Variants in BUD13 observed in about 807,000 individuals in gnomAD.
BUD13 encodes the protein BUD13 homolog.
A neutral mutation model predicts 62.5 loss-of-function variants in BUD13; 47 were observed. The ratio of observed to expected loss-of-function variants is 0.75; its 90% CI spans 0.60 to 0.96. The LOEUF is 0.96. Ranked by LOEUF, BUD13 falls within the 40% of genes least tolerant of loss-of-function variation. BUD13 has a pLI of 0.00. For synonymous variants in BUD13, 293 were observed against 280.1 expected (o/e 1.05, Z -0.46); for missense variants, 821 against 790.9 (o/e 1.04, Z -0.46).
chr11:116,754,391 A>C (rs763961416), intron 9 of BUD13, among the ~76,000 whole-genome samples: 2 of 152,240 alleles, frequency 1.3e-5, no homozygotes, highest in Non-Finnish European at 2.9e-5. Flanking sequence ...TTATCTGACC[A>C]AAATGGAATT....
chr11:116,759,808 G>A (rs1184488111), intron 5 of BUD13, among the ~76,000 whole-genome samples: 1 of 152,090 alleles, frequency 6.6e-6, no homozygotes, highest in Non-Finnish European at 1.5e-5. Flanking sequence ...CCCTAAAAAA[G>A]AAGAATCTCA....
At position 116,763,099 on chromosome 11, in the gene BUD13, G is replaced by A. The variant is rs760208744; in HGVS notation, c.490C>T (p.Pro164Ser). 1.3e-6 allele frequency: 2 copies of A among 1,581,834 alleles called. No homozygotes were observed. Among genetic ancestry groups the A allele is most frequent in the East Asian group, 2.3e-5 (1 of 43,936 alleles). Residue 164 changes from proline to serine, a missense_variant, in exon 4 of 10, where the codon CCC becomes TCC. By Grantham distance (74) the Pro-to-Ser change is moderately conservative. Transcript: ENST00000260210. Reference sequence around the variant, plus strand: ...GAGTCATGACGAGCCCCTCTGAGGGGAGAAGGATCCGGGGTGTCATGACGG... The same window carrying A: ...GAGTCATGACGAGCCCCTCTGAGGGAAGAAGGATCCGGGGTGTCATGACGG... ...RARHDTPDPSPLRGARHDSDT... is the reference protein window; with the variant it reads ...RARHDTPDPSSLRGARHDSDT...
In BUD13 at chr11:116,770,135, C is replaced by T. The variant is rs77940920; in HGVS notation, c.231G>A (p.Leu77=). 1,746 of 1,612,150 alleles carry T rather than the reference C, an allele frequency of 1.1e-3. 17 individuals carry two copies. In the African/African-American group the frequency reaches 0.021, roughly 19 times the overall value. The stretch of plus-strand genomic sequence containing the variant: ...CAGCCCCAAAGATACATACCACAGG[C>T]AAATCTCCATCATCTTCCTCTTCCT... ...EKEEEEDDGD[L]PVVAEFVDER... Residue 77 remains leucine (L), a synonymous_variant, in exon 2 of 10, where the codon TTG becomes TTA. Coordinates refer to ENST00000260210, the MANE Select transcript of BUD13 (RefSeq NM_032725.4).
chr11:116,761,242 G>A (rs1428002926), intron 4 of BUD13, among the ~76,000 whole-genome samples: 5 of 151,838 alleles, frequency 3.3e-5, no homozygotes, highest in Admixed American at 6.6e-5. Context: ...AGTAGAGATG[G>A]GGTTTCGCTA....
At chr11:116,765,169 G>A (rs1940509493) in intron 3 of BUD13, among the ~76,000 whole-genome samples, 193 bp downstream of exon 3, 2 of 152,150 alleles carry the variant, frequency 1.3e-5, no homozygotes, top group African/African-American at 4.8e-5. Context: ...ATAAGAGAAA[G>A]AGGAATATCT....
chr11:116,772,985 G>C lies in BUD13; in HGVS notation c.-21C>G. On this transcript the variant is annotated 5_prime_UTR_variant, in exon 1 of 10. Transcript: ENST00000260210. ...GCCATGGCAGCGGCGGGGGCAGAGA[G>C]ACGGGTCGGCGCTGGGGACAAAATG... The C allele has an allele frequency of 6.6e-7, 1 of 1,520,290 alleles. No homozygotes were observed. Among genetic ancestry groups the C allele is most frequent in the Non-Finnish European group, 8.9e-7 (1 of 1,127,862 alleles). The allele number at this position is 1,520,290 out of a possible 1,614,324, so 94.2% of individuals were successfully genotyped here. A position where few individuals can be genotyped will look rare whatever the true frequency, so the allele number is the denominator to read the frequency against.
At chr11:116,760,055 C>G (rs775161948) in intron 5 of BUD13, among the ~76,000 whole-genome samples, 5 of 152,138 alleles carry the variant, frequency 3.3e-5, no homozygotes, top group African/African-American at 9.7e-5. Context: ...ATTCATCAAG[C>G]CTTATCATGA....
rs1940338004 is a variant in BUD13 at position 116,757,026 on chromosome 11, CA to C, written c.1766+119del. 4.5e-6 allele frequency: 4 copies of C among 889,034 alleles called. No homozygotes were observed. The South Asian group carries it at 4.9e-5, about 11-fold the overall frequency. 55.1% of individuals were successfully genotyped at this position (889,034 alleles called of 1,614,324 possible). On this transcript the variant is annotated intron_variant, in intron 9 of 9. Coordinates refer to ENST00000260210, the MANE Select transcript of BUD13 (RefSeq NM_032725.4). ...TGTGGACCTCAGAAAAAGAAGCAAG[CA>C]AAGTGCATATTTTTCACCTTGTGAT...
chr11:116,748,642 G>A (rs1308444309), intron 9 of BUD13, 67 bp from the exon 10 acceptor site: 1 of 1,452,944 alleles, frequency 6.9e-7, no homozygotes, highest in African/African-American at 1.4e-5. Context: ...AAAAGAAAGG[G>A]AAGAGTTCAC....
Position 116,772,984 on chromosome 11 carries a change from A to C in BUD13, c.-20T>G. 2.0e-6 allele frequency: 3 copies of C among 1,521,004 alleles called. No homozygotes were observed. The highest frequency in any genetic ancestry group is 1.8e-6 in the Non-Finnish European group (2 of 1,128,244). 94.2% of individuals were successfully genotyped at this position (1,521,004 alleles called of 1,614,324 possible). Reference sequence around the variant, plus strand: ...CGCCATGGCAGCGGCGGGGGCAGAGAGACGGGTCGGCGCTGGGGACAAAAT... The same window carrying C: ...CGCCATGGCAGCGGCGGGGGCAGAGCGACGGGTCGGCGCTGGGGACAAAAT... On this transcript the variant is annotated 5_prime_UTR_variant, in exon 1 of 10. Coordinates refer to ENST00000260210, the MANE Select transcript of BUD13 (RefSeq NM_032725.4).
chr11:116,769,458 A>C (rs1940584994), intron 2 of BUD13, among the ~76,000 whole-genome samples: 1 of 152,252 alleles, frequency 6.6e-6, no homozygotes, highest in Non-Finnish European at 1.5e-5. Context: ...AGCTTAGTTA[A>C]AGCACTGAAA....
Position 116,752,481 on chromosome 11 carries a change from A to G in BUD13, c.1767-3906T>C, listed in dbSNP as rs549278965. On this transcript the variant is annotated intron_variant, in intron 9 of 9. Coordinates refer to ENST00000260210, the MANE Select transcript of BUD13 (RefSeq NM_032725.4). ...AAAAAAGCAACTGAGAAAAATGAAG[A>G]CAAATTAAATACTAGTAAAAAAAAA... Among the ~76,000 whole-genome samples the G allele has an allele frequency of 2.6e-5, 3 of 115,860 alleles. No homozygotes were observed. The Admixed American group carries it at 2.7e-4, about 10-fold the overall frequency. The allele number at this position is 115,860 out of a possible 152,430, so 76.0% of individuals were successfully genotyped here.
intron 5 of BUD13, 135 bp from the exon 6 acceptor site, chr11:116,759,314 T>A (rs1483416701): frequency 9.9e-6 from 6 of 606,588 alleles, no homozygotes; most frequent in Non-Finnish European, 1.5e-5. Flanking sequence ...ATATTCTCAA[T>A]AATTACCATA....
chr11:116,765,006 A>G (rs1940505352), intron 3 of BUD13, among the ~76,000 whole-genome samples: 1 of 152,174 alleles, frequency 6.6e-6, no homozygotes, highest in South Asian at 2.1e-4. Context: ...GGATAGTGGT[A>G]GCTAAAGTCC....
At chr11:116,752,006 C>A in intron 9 of BUD13, among the ~76,000 whole-genome samples, 1 of 152,198 alleles carries the variant, frequency 6.6e-6, no homozygotes, top group Middle Eastern at 3.4e-3. Flanking sequence ...TGCAGTGGCA[C>A]GATCTCGGCT....
At chr11:116,757,680 CCTT>C in intron 8 of BUD13, 83 bp downstream of exon 8, 1 of 1,343,778 alleles carries the variant, frequency 7.4e-7, no homozygotes, top group South Asian at 1.4e-5. Context: ...TTTGGGAAAT[CCTT>C]CTTTGCATAT....
At position 116,754,577 on chromosome 11, in the gene BUD13, G is replaced by A. The variant is rs116984007; in HGVS notation, c.1766+2569C>T. ...ACTCTCAGCAAAACAGGAATAGAAG[G>A]GAACTTTAACTCCATAAAGGATATC... On this transcript the variant is annotated intron_variant, in intron 9 of 9. Transcript: ENST00000260210. Among the ~76,000 whole-genome samples the A allele has an allele frequency of 1.5e-3, 224 of 152,126 alleles. 3 individuals are homozygous for A. The Middle Eastern group carries it at 0.027, about 18-fold the overall frequency.
intron 9 of BUD13, among the ~76,000 whole-genome samples, chr11:116,751,952 T>C (rs1006286401): frequency 5.9e-5 from 9 of 151,806 alleles, no homozygotes; most frequent in African/African-American, 1.7e-4. Flanking sequence ...CCTCAGTTTC[T>C]CTTTTTTTTG....
chr11:116,758,583 C>CTT lies in BUD13; in HGVS notation c.1361-178_1361-177dup, dbSNP rs397687372. On this transcript the variant is annotated intron_variant, in intron 6 of 9. Coordinates refer to ENST00000260210, the MANE Select transcript of BUD13 (RefSeq NM_032725.4). ...ACTGGGCCCAAGAAATGGCATTTTC[C>CTT]TTTTTTTTTTTTTTTTTTTTTTGAG... 7.6e-3 allele frequency among the ~76,000 whole-genome samples: 881 copies of CTT among 116,606 alleles called. 8 individuals carry two copies. The highest frequency in any genetic ancestry group is 0.011 in the Middle Eastern group (2 of 182). The allele number at this position is 116,606 out of a possible 152,430, so 76.5% of individuals were successfully genotyped here. A position where few individuals can be genotyped will look rare whatever the true frequency, so the allele number is the denominator to read the frequency against.
Sources: allele counts gnomAD v4.1 joint callset (sites outside exome capture counted in the v4.1 genomes callset), GRCh38; gene constraint gnomAD v4.1.1; transcripts MANE v1.5; gene names NCBI Gene and HGNC (gene_info 2026-07-23, HGNC 2026-07-21).